Variants in ZEB1 observed in about 807,000 individuals in gnomAD.
The protein encoded by ZEB1 is zinc finger E-box binding homeobox 1.
In ZEB1, 21 loss-of-function variants were observed where a neutral mutation model predicts 84.9. That is an observed-to-expected ratio of 0.25 (90% CI 0.18 to 0.36). The LOEUF is 0.36. Ranked by LOEUF, ZEB1 falls within the 10% of genes least tolerant of loss-of-function variation. The pLI, the probability that ZEB1 is intolerant of heterozygous loss-of-function variation, is 1.00. For missense variants in ZEB1, 1,104 were observed against 1,330.2 expected, an observed-to-expected ratio of 0.83 and a Z score of 2.65; for synonymous variants, 420 against 471.1, an observed-to-expected ratio of 0.89 and a Z score of 1.41.
chr10:31,506,781 C>T (rs1400860876), intron 4 of ZEB1, among the ~76,000 whole-genome samples: 1 of 151,972 alleles, frequency 6.6e-6, no homozygotes, highest in East Asian at 1.9e-4. Flanking sequence ...ATGTTAGAGC[C>T]TATTTCTGTC....
At position 31,429,988 on chromosome 10, in the gene ZEB1, G is replaced by A. The variant is rs191412100; in HGVS notation, c.59-31049G>A. On this transcript the variant is annotated intron_variant, in intron 1 of 8. Coordinates refer to ENST00000424869, the MANE Select transcript of ZEB1 (RefSeq NM_001174096.2). ...ACTCCTGACGTCAGGTGATCCACCCGCCTTGGCCTCCCAAAGTGCTGAGAT... is the reference window on the plus strand; with the variant it reads ...ACTCCTGACGTCAGGTGATCCACCCACCTTGGCCTCCCAAAGTGCTGAGAT... Among the ~76,000 whole-genome samples the A allele has an allele frequency of 1.5e-3, 226 of 152,052 alleles. 1 individual carries two copies. The highest frequency in any genetic ancestry group is 4.9e-3 in the African/African-American group (202 of 41,484).
chr10:31,522,551 A>C (rs2072637883), intron 7 of ZEB1, among the ~76,000 whole-genome samples: 1 of 152,118 alleles, frequency 6.6e-6, no homozygotes, highest in Admixed American at 6.6e-5. Flanking sequence ...TTCCTCCTTA[A>C]CTATCACAGT....
At chr10:31,524,199 T>C in intron 8 of ZEB1, 86 bp downstream of exon 8, 1 of 1,416,980 alleles carries the variant, frequency 7.1e-7, no homozygotes, top group Non-Finnish European at 9.6e-7. Context: ...TAGAATTTTC[T>C]TTCTTTTTTT....
intron 2 of ZEB1, among the ~76,000 whole-genome samples, chr10:31,469,544 C>A (rs1284620951): frequency 6.6e-6 from 1 of 152,246 alleles, no homozygotes. Context: ...ATATCCCGCA[C>A]CTGGCTCAGA....
intron 1 of ZEB1, among the ~76,000 whole-genome samples, chr10:31,346,147 ATTAG>A (rs2040273945): frequency 6.6e-6 from 1 of 152,176 alleles, no homozygotes; most frequent in Non-Finnish European, 1.5e-5. Flanking sequence ...TATGACAACT[ATTAG>A]TTAATTTACA....
intron 1 of ZEB1, among the ~76,000 whole-genome samples, chr10:31,388,935 C>T (rs1590720966): frequency 6.6e-6 from 1 of 152,044 alleles, no homozygotes; most frequent in Non-Finnish European, 1.5e-5. Context: ...TTTATTCTAA[C>T]TAAAATACTT....
In ZEB1 at chr10:31,437,248, A is replaced by G. The variant is rs117745033; in HGVS notation, c.59-23789A>G. Among the ~76,000 whole-genome samples the G allele has an allele frequency of 4.4e-3, 664 of 152,286 alleles. 1 individual carries two copies. The highest frequency in any genetic ancestry group is 7.3e-3 in the Non-Finnish European group (494 of 68,006). On this transcript the variant is annotated intron_variant, in intron 1 of 8. Coordinates refer to ENST00000424869, the MANE Select transcript of ZEB1 (RefSeq NM_001174096.2). ...ATTATGTACTATGACATTTCTCTAT[A>G]TAATACTTCATGTATATTACTCATA...
chr10:31,443,338 G>C (rs1028525939), intron 1 of ZEB1, among the ~76,000 whole-genome samples: 3 of 151,204 alleles, frequency 2.0e-5, no homozygotes, highest in East Asian at 1.9e-4. Flanking sequence ...TCTGTGTATA[G>C]TTATGGGTTT....
intron 2 of ZEB1, among the ~76,000 whole-genome samples, chr10:31,490,844 G>T (rs1469424218): frequency 2.0e-5 from 3 of 151,676 alleles, no homozygotes; most frequent in Non-Finnish European, 4.4e-5. Context: ...CGAGAATTTT[G>T]ATATTTTTTG....
intron 1 of ZEB1, among the ~76,000 whole-genome samples, chr10:31,366,810 G>A (rs2044593091): frequency 6.7e-6 from 1 of 150,002 alleles, no homozygotes; most frequent in African/African-American, 2.5e-5. Context: ...TGAGTTCCCA[G>A]CGTATACTGC....
At chr10:31,328,662 A>G (rs779458951) in intron 1 of ZEB1, among the ~76,000 whole-genome samples, 1 of 152,126 alleles carries the variant, frequency 6.6e-6, no homozygotes, top group Non-Finnish European at 1.5e-5. Context: ...TCTTAATGCT[A>G]CTTTTGGTAT....
intron 1 of ZEB1, among the ~76,000 whole-genome samples, chr10:31,368,933 C>T (rs549990034): frequency 6.6e-6 from 1 of 152,194 alleles, no homozygotes; most frequent in Admixed American, 6.5e-5. Context: ...AACTAACAAG[C>T]ATGTTGTGCT....
chr10:31,464,032 T>C (rs910577064), intron 2 of ZEB1, among the ~76,000 whole-genome samples: 4 of 152,138 alleles, frequency 2.6e-5, no homozygotes, highest in African/African-American at 9.7e-5. Flanking sequence ...TATGATAAAA[T>C]AAAACCAGTG....
intron 2 of ZEB1, among the ~76,000 whole-genome samples, chr10:31,474,397 A>G (rs1408113132): frequency 1.3e-5 from 2 of 152,170 alleles, no homozygotes; most frequent in Non-Finnish European, 2.9e-5. Flanking sequence ...AAAAGTGGGC[A>G]AAGGACATGA....
intron 2 of ZEB1, among the ~76,000 whole-genome samples, chr10:31,475,138 C>T (rs1265275937): frequency 6.6e-6 from 1 of 151,300 alleles, no homozygotes; most frequent in Non-Finnish European, 1.5e-5. Context: ...TGCAGTGCAC[C>T]AGCGTGGCAC....
At chr10:31,385,929 G>C (rs1313517889) in intron 1 of ZEB1, among the ~76,000 whole-genome samples, 1 of 152,006 alleles carries the variant, frequency 6.6e-6, no homozygotes, top group Non-Finnish European at 1.5e-5. Flanking sequence ...AAAAGTTAAA[G>C]GAAAACAAAT....
intron 2 of ZEB1, among the ~76,000 whole-genome samples, chr10:31,477,659 A>G (rs1420110203): frequency 6.6e-6 from 1 of 152,074 alleles, no homozygotes; most frequent in Non-Finnish European, 1.5e-5. Context: ...CATGATAAAG[A>G]TGGACACATA....
chr10:31,406,548 T>C (rs532148366), intron 1 of ZEB1, among the ~76,000 whole-genome samples: 3 of 152,282 alleles, frequency 2.0e-5, no homozygotes, highest in Admixed American at 2.0e-4. Flanking sequence ...GAGTTGTTTT[T>C]TTCTTGTAAA....
chr10:31,484,835 TTG>T (rs1249886488), intron 2 of ZEB1, among the ~76,000 whole-genome samples: 2 of 152,020 alleles, frequency 1.3e-5, no homozygotes, highest in Admixed American at 1.3e-4. Flanking sequence ...ATGTCACTGT[TTG>T]TTATATAAGT....
Sources: allele counts gnomAD v4.1 joint callset (sites outside exome capture counted in the v4.1 genomes callset), GRCh38; gene constraint gnomAD v4.1.1; transcripts MANE v1.5; gene names NCBI Gene and HGNC (gene_info 2026-07-23, HGNC 2026-07-21).